Variants in NBAS observed in about 807,000 individuals in gnomAD.
The protein encoded by NBAS is NBAS subunit of NRZ tethering complex, also known as NAG/BC035112 fusion.
In NBAS, 219 loss-of-function variants were observed where a neutral mutation model predicts 302.5. That is an observed-to-expected ratio of 0.72 (90% CI 0.65 to 0.81). NBAS has a LOEUF of 0.81. Among genes scored for constraint, NBAS ranks in the 30% least tolerant of loss-of-function variants. The pLI is 0.00. For missense variants in NBAS, 2,932 were observed against 2,841.6 expected, an observed-to-expected ratio of 1.03 and a Z score of -0.72; for synonymous variants, 1,118 against 1,021.6, an observed-to-expected ratio of 1.09 and a Z score of -1.80.
At chr2:15,254,254 G>C (rs868738711) in intron 44 of NBAS, among the ~76,000 whole-genome samples, 8 of 151,800 alleles carry the variant, frequency 5.3e-5, no homozygotes, top group South Asian at 2.1e-4. Flanking sequence ...CAATTAATCA[G>C]CAGCAAGCAC....
the NBAS span, among the ~76,000 whole-genome samples, chr2:14,963,648 C>T: frequency 6.6e-6 from 1 of 152,208 alleles, no homozygotes; most frequent in Admixed American, 6.5e-5. Flanking sequence ...TGCTAAATGA[C>T]TAAGGAGCTT....
chr2:15,113,482 A>G, the NBAS span, among the ~76,000 whole-genome samples: 1 of 152,076 alleles, frequency 6.6e-6, no homozygotes, highest in African/African-American at 2.4e-5. Context: ...GCATAAGAAA[A>G]TGTTCACAAT....
rs61268286 is a variant in NBAS, at chr2:15,286,269, C to T, written c.5138+804G>A. On this transcript the variant is annotated intron_variant, in intron 42 of 51. Transcript: ENST00000281513. ...CCATAAAAGCTCCCTAACTGGTCTA[C>T]ATATGTCCACCCTAACTTTCCTAAC... Among the ~76,000 whole-genome samples the T allele has an allele frequency of 3.9e-3, 587 of 152,312 alleles. 3 individuals carry two copies. Among genetic ancestry groups the T allele is most frequent in the African/African-American group, 0.014 (565 of 41,564 alleles).
intron 47 of NBAS, 44 bp from the exon 48 acceptor site, chr2:15,219,012 T>C (rs779915328): frequency 1.1e-5 from 18 of 1,607,356 alleles, no homozygotes; most frequent in Middle Eastern, 1.7e-4. Flanking sequence ...CCTAAGCCTT[T>C]TATTTTCCCC....
chr2:15,092,230 A>G, the NBAS span, among the ~76,000 whole-genome samples: 2 of 152,208 alleles, frequency 1.3e-5, no homozygotes, highest in Admixed American at 1.3e-4. Context: ...AAGAAGGTAC[A>G]CTTTCAAGGG....
chr2:15,085,931 G>A, the NBAS span, among the ~76,000 whole-genome samples: 1 of 152,142 alleles, frequency 6.6e-6, no homozygotes, highest in Non-Finnish European at 1.5e-5. Flanking sequence ...GTGATGGCCT[G>A]CAGGCGCCCA....
chr2:15,477,294 C>T (rs932319735), intron 13 of NBAS, among the ~76,000 whole-genome samples: 1 of 151,900 alleles, frequency 6.6e-6, no homozygotes, highest in Admixed American at 6.6e-5. Flanking sequence ...CGAACTCTCA[C>T]TCTGTCGCCC....
At chr2:15,223,904 A>G (rs1667055537) in intron 47 of NBAS, among the ~76,000 whole-genome samples, 1 of 152,176 alleles carries the variant, frequency 6.6e-6, no homozygotes, top group African/African-American at 2.4e-5. Context: ...CACGTAGGGA[A>G]TTGCTTCCAC....
intron 48 of NBAS, 91 bp from the exon 49 acceptor site, chr2:15,190,494 T>A (rs1665300130): frequency 1.4e-6 from 2 of 1,431,696 alleles, no homozygotes; most frequent in African/African-American, 2.9e-5. Context: ...TAAACTTTTT[T>A]TTAAAATGTT....
intron 33 of NBAS, among the ~76,000 whole-genome samples, chr2:15,354,948 T>C (rs964105117): frequency 6.6e-6 from 1 of 152,192 alleles, no homozygotes; most frequent in African/African-American, 2.4e-5. Flanking sequence ...CCTTGATGTC[T>C]CTTAATTTTC....
the NBAS span, among the ~76,000 whole-genome samples, chr2:14,891,795 C>T: frequency 6.6e-6 from 1 of 152,190 alleles, no homozygotes; most frequent in Non-Finnish European, 1.5e-5. Context: ...CACTACAGCG[C>T]ATGCCTTCAA....
At chr2:15,092,990 TAA>T in the NBAS span, among the ~76,000 whole-genome samples, 7 of 152,172 alleles carry the variant, frequency 4.6e-5, no homozygotes, top group African/African-American at 1.7e-4. Flanking sequence ...TCCTGGGGGT[TAA>T]AGTTACTTAA....
At chr2:14,917,095 C>T in the NBAS span, among the ~76,000 whole-genome samples, 1 of 152,216 alleles carries the variant, frequency 6.6e-6, no homozygotes, top group East Asian at 1.9e-4. Flanking sequence ...TCTATTGCTA[C>T]ATTTTATAAT....
intron 21 of NBAS, among the ~76,000 whole-genome samples, chr2:15,454,042 G>C (rs1331501974): frequency 6.6e-6 from 1 of 152,164 alleles, no homozygotes; most frequent in East Asian, 1.9e-4. Flanking sequence ...CTCCCAAAGT[G>C]CTGGGATTAC....
At chr2:15,477,339 G>T (rs373546885) in intron 13 of NBAS, among the ~76,000 whole-genome samples, 13 of 151,786 alleles carry the variant, frequency 8.6e-5, no homozygotes, top group Admixed American at 2.0e-4. Flanking sequence ...TCGGCTCACT[G>T]CAACCTCTGC....
In NBAS at chr2:15,219,064, G is replaced by A; in HGVS notation, c.6237-96C>T. 5.5e-6 allele frequency: 8 copies of A among 1,446,172 alleles called. No homozygotes were observed. In the South Asian group the frequency reaches 1.0e-4, roughly 18 times the overall value. The allele number at this position is 1,446,172 out of a possible 1,614,324, so 89.6% of individuals were successfully genotyped here. A position where few individuals can be genotyped will look rare whatever the true frequency, so the allele number is the denominator to read the frequency against. On this transcript the variant is annotated intron_variant, in intron 47 of 51. Transcript: ENST00000281513. Reference sequence around the variant, plus strand: ...GTGGTCACTGACCTAACACTTGTTTGTTGGATGACTTCGTTTTTTTCCTCT... The same window carrying A: ...GTGGTCACTGACCTAACACTTGTTTATTGGATGACTTCGTTTTTTTCCTCT...
chr2:15,304,319 C>T (rs1030869120), intron 40 of NBAS, among the ~76,000 whole-genome samples: 1 of 152,286 alleles, frequency 6.6e-6, no homozygotes, highest in African/African-American at 2.4e-5. Flanking sequence ...TGCCTTCTGT[C>T]ATGATTGAAA....
intron 26 of NBAS, among the ~76,000 whole-genome samples, chr2:15,398,979 C>G (rs1676011071): frequency 6.6e-6 from 1 of 152,120 alleles, no homozygotes; most frequent in South Asian, 2.1e-4. Flanking sequence ...ATTTCTTAGC[C>G]TATACATTCT....
At chr2:15,443,015 C>T (rs1354944377) in intron 21 of NBAS, among the ~76,000 whole-genome samples, 1 of 151,878 alleles carries the variant, frequency 6.6e-6, no homozygotes, top group East Asian at 1.9e-4. Context: ...TAATCAATAG[C>T]TTACCAACCA....
Sources: gnomAD v4.1 joint callset for allele counts (sites outside exome capture counted in the v4.1 genomes callset) on GRCh38, gnomAD v4.1.1 for gene constraint, MANE v1.5 for transcripts, NCBI Gene and HGNC (gene_info 2026-07-23, HGNC 2026-07-21) for gene names.